OPN3: variants seen among roughly 807,000 people sequenced by gnomAD.
The protein encoded by OPN3 is opsin 3, also known as opsin-3.
In OPN3, 29 loss-of-function variants were observed where a neutral mutation model predicts 33.8. That is an observed-to-expected ratio of 0.86 (90% CI 0.64 to 1.17). OPN3 has a LOEUF of 1.17. Ranked by LOEUF, OPN3 falls within the 50% of genes most tolerant of loss-of-function variation. OPN3 has a pLI of 0.00. For synonymous variants in OPN3, 216 were observed against 216.1 expected (o/e 1.00, Z 0.00); for missense variants, 437 against 514.1 (o/e 0.85, Z 1.45).
intron 1 of OPN3, among the ~76,000 whole-genome samples, chr1:241,608,416 C>A (rs1480213799): frequency 6.6e-6 from 1 of 152,148 alleles, no homozygotes; most frequent in Non-Finnish European, 1.5e-5. Flanking sequence ...GTGAAACCAA[C>A]CCTCATGGCC....
At chr1:241,621,128 A>G (rs966752689) in intron 1 of OPN3, among the ~76,000 whole-genome samples, 2 of 152,220 alleles carry the variant, frequency 1.3e-5, no homozygotes, top group African/African-American at 4.8e-5. Flanking sequence ...AATTCTTTAG[A>G]TAAAAACAAA....
At chr1:241,623,632 C>T (rs1451619885) in intron 1 of OPN3, among the ~76,000 whole-genome samples, 1 of 152,236 alleles carries the variant, frequency 6.6e-6, no homozygotes, top group East Asian at 1.9e-4. Context: ...AAATGAATTA[C>T]ATACATTCAG....
intron 1 of OPN3, among the ~76,000 whole-genome samples, chr1:241,605,944 T>C (rs1238211538): frequency 6.6e-6 from 1 of 152,230 alleles, no homozygotes; most frequent in Non-Finnish European, 1.5e-5. Context: ...AATAGTAAAT[T>C]ATGAATCTGT....
intron 3 of OPN3, among the ~76,000 whole-genome samples, chr1:241,596,601 CT>C (rs1558436446): frequency 6.6e-6 from 1 of 152,210 alleles, no homozygotes; most frequent in Admixed American, 6.5e-5. Context: ...GTGCCCTCTT[CT>C]TCCACATTCT....
At chr1:241,636,752 T>A (rs1049405293) in intron 1 of OPN3, among the ~76,000 whole-genome samples, 5 of 152,170 alleles carry the variant, frequency 3.3e-5, no homozygotes, top group Non-Finnish European at 5.9e-5. Context: ...AGTGTGTAAG[T>A]GTAAGTAAAA....
intron 1 of OPN3, chr1:241,628,852 TCAGTA>T (rs1316599450): frequency 6.6e-6 from 1 of 152,488 alleles, no homozygotes; most frequent in African/African-American, 2.4e-5. Context: ...TCTCACCAGT[TCAGTA>T]AACCACTTTA....
chr1:241,602,331 A>T (rs963580628), intron 2 of OPN3, among the ~76,000 whole-genome samples: 1 of 152,202 alleles, frequency 6.6e-6, no homozygotes, highest in Non-Finnish European at 1.5e-5. Flanking sequence ...AAATGTGTCC[A>T]TGGGATCACA....
chr1:241,638,730 C>G (rs1431803519), intron 1 of OPN3, among the ~76,000 whole-genome samples: 2 of 152,066 alleles, frequency 1.3e-5, no homozygotes, highest in Non-Finnish European at 2.9e-5. Flanking sequence ...CTGAAGCAAT[C>G]AAATAAAATC....
intron 1 of OPN3, among the ~76,000 whole-genome samples, chr1:241,612,689 T>A (rs1031607049): frequency 6.6e-6 from 1 of 152,170 alleles, no homozygotes; most frequent in African/African-American, 2.4e-5. Context: ...GCTTGAACAT[T>A]ATATAATGTT....
chr1:241,594,565 C>T lies in OPN3; in HGVS notation c.1072G>A (p.Asp358Asn), dbSNP rs141477839. Residue 358 changes from aspartate to asparagine, a missense_variant, in exon 4 of 4, where the codon GAC becomes AAC. Asp to Asn is a conservative substitution (Grantham distance 23). Coordinates refer to ENST00000366554, the MANE Select transcript of OPN3 (RefSeq NM_014322.3). ...RPIVMSQKDG[D>N]RPKKKVTFNS... ...AAAGTCACTTTTTTCTTTGGCCTGT[C>T]CCCATCTTTCTGTGACATCACAATG... The T allele has an allele frequency of 1.5e-5, 24 of 1,614,112 alleles. No homozygotes were observed. The highest frequency in any genetic ancestry group is 1.9e-5 in the Non-Finnish European group (22 of 1,179,982).
chr1:241,616,032 T>C (rs1664116506), intron 1 of OPN3: 1 of 450,922 alleles, frequency 2.2e-6, no homozygotes. Context: ...TGCACTCTCC[T>C]GTCATGCCAT....
intron 1 of OPN3, chr1:241,634,534 G>A (rs368941629): frequency 5.6e-6 from 9 of 1,613,604 alleles, no homozygotes; most frequent in South Asian, 3.3e-5. Context: ...ATTCTTTGTC[G>A]ACTACAAAGC....
intron 1 of OPN3, chr1:241,630,847 G>C (rs1335857658): frequency 1.3e-5 from 2 of 152,038 alleles, no homozygotes; most frequent in African/African-American, 4.8e-5. Context: ...TTGTTCTTTT[G>C]ATGCTGATTT....
intron 1 of OPN3, among the ~76,000 whole-genome samples, chr1:241,623,654 G>A (rs115820281): frequency 0.02 from 3,083 of 152,294 alleles, 40 homozygotes; most frequent in South Asian, 0.048. Context: ...CACCAAAACT[G>A]AAATTTTAGA....
At chr1:241,635,096 TTAAC>T (rs1292804287) in intron 1 of OPN3, 1 of 1,612,842 alleles carries the variant, frequency 6.2e-7, no homozygotes, top group Non-Finnish European at 8.5e-7. Flanking sequence ...CCTGCCTTCT[TTAAC>T]TATTTGAGAG....
At chr1:241,634,332 C>T (rs773726766) in intron 1 of OPN3, 3 of 1,613,968 alleles carry the variant, frequency 1.9e-6, no homozygotes, top group South Asian at 1.1e-5. Flanking sequence ...GCTGGAGGAA[C>T]TATCAGAATG....
At chr1:241,625,676 G>A (rs954934673) in intron 1 of OPN3, among the ~76,000 whole-genome samples, 3 of 152,148 alleles carry the variant, frequency 2.0e-5, no homozygotes, top group Admixed American at 6.5e-5. Context: ...GGAACTGGGG[G>A]ATCTATATGG....
At chr1:241,639,581 A>G (rs148923282) in intron 1 of OPN3, among the ~76,000 whole-genome samples, 3,361 of 151,934 alleles carry the variant, frequency 0.022, 55 homozygotes, top group South Asian at 0.038. Flanking sequence ...GTAAAAACAA[A>G]TAAGAAAGGA....
chr1:241,607,806 AAAAG>A (rs1331794951), intron 1 of OPN3, among the ~76,000 whole-genome samples: 3 of 152,084 alleles, frequency 2.0e-5, no homozygotes, highest in Admixed American at 6.5e-5. Context: ...AAAGGAAAGA[AAAAG>A]AAAGAAAGTA....
Sources: gnomAD v4.1 joint callset for allele counts (sites outside exome capture counted in the v4.1 genomes callset) on GRCh38, gnomAD v4.1.1 for gene constraint, MANE v1.5 for transcripts, NCBI Gene and HGNC (gene_info 2026-07-23, HGNC 2026-07-21) for gene names.